Variants in ZNF850 observed in about 807,000 individuals in gnomAD.
The protein encoded by ZNF850 is zinc finger protein 850.
Under a neutral mutation model 11.9 loss-of-function variants are expected in ZNF850, and 2 were observed. The observed-to-expected ratio is 0.17, with a 90% CI of 0.07 to 0.53. The LOEUF is 0.53. Among genes scored for constraint, ZNF850 ranks in the 20% least tolerant of loss-of-function variants. The pLI, the probability that ZNF850 is intolerant of heterozygous loss-of-function variation, is 0.94. For synonymous variants in ZNF850, 381 were observed against 443.0 expected (o/e 0.86, Z 1.76); for missense variants, 1,014 against 1,316.4 (o/e 0.77, Z 3.55).
At position 36,749,003 on chromosome 19, in the gene ZNF850, C is replaced by A; in HGVS notation, c.2037G>T (p.Gly679=). 6.2e-7 allele frequency: 1 copy of A among 1,607,596 alleles called. No homozygotes were observed. The highest frequency in any genetic ancestry group is 8.5e-7 in the Non-Finnish European group (1 of 1,177,746). Residue 679 remains glycine, a synonymous_variant, in exon 5 of 5, where the codon GGG becomes GGT. Transcript: ENST00000591344. The part of the protein sequence containing the change: ...GEKPYECPDC[G]KAFRQRTYLN... ...GGTATGTACGCTGTCTAAAGGCCTT[C>A]CCACAGTCCGGACATTCATAGGGTT...
rs1333663053 is a variant in ZNF850 at position 36,749,025 on chromosome 19, G to C, written c.2015C>G (p.Pro672Arg). Residue 672 changes from proline to arginine, a missense_variant, in exon 5 of 5, where the codon CCC becomes CGC. By Grantham distance (103) the Pro-to-Arg change is moderately radical (BLOSUM62 -2). Coordinates refer to ENST00000591344, the MANE Select transcript of ZNF850 (RefSeq NM_001193552.2). ...QHHRIHTGEK[P>R]YECPDCGKAF... is the part of the protein sequence containing the mutation. ...CTTCCCACAGTCCGGACATTCATAG[G>C]GTTTCTCACCAGTGTGAATTCTGTG... The C allele has an allele frequency of 1.2e-6, 2 of 1,608,884 alleles. No individual in the cohort carries two copies. The highest frequency in any genetic ancestry group is 4.5e-5 in the East Asian group (2 of 44,724).
rs541788225 is a variant in ZNF850 at position 36,756,602 on chromosome 19, T to C, written c.235+5041A>G. Among the ~76,000 whole-genome samples the C allele has an allele frequency of 1.5e-3, 226 of 152,310 alleles. 1 individual carries two copies. Among genetic ancestry groups the C allele is most frequent in the African/African-American group, 5.2e-3 (218 of 41,576 alleles). The stretch of plus-strand genomic sequence containing the variant: ...TGCATAATATCCCATTATGTGGATA[T>C]ACCATAATGTCACATTTTTTTTCCC... On this transcript the variant is annotated intron_variant, in intron 4 of 4. Coordinates refer to ENST00000591344, the MANE Select transcript of ZNF850 (RefSeq NM_001193552.2).
intron 4 of ZNF850, among the ~76,000 whole-genome samples, chr19:36,754,451 T>A (rs896354081): frequency 1.3e-5 from 2 of 152,174 alleles, no homozygotes; most frequent in Non-Finnish European, 2.9e-5. Flanking sequence ...GATATAACAA[T>A]TCTAAATTTG....
intron 4 of ZNF850, among the ~76,000 whole-genome samples, chr19:36,755,189 A>C (rs2040478299): frequency 6.6e-6 from 1 of 152,210 alleles, no homozygotes; most frequent in Admixed American, 6.5e-5. Flanking sequence ...CATTTACAAA[A>C]GCTTATGGGT....
intron 4 of ZNF850, among the ~76,000 whole-genome samples, chr19:36,756,439 A>G (rs910277163): frequency 5.9e-5 from 9 of 152,154 alleles, no homozygotes; most frequent in Admixed American, 5.9e-4. Flanking sequence ...ATGTGTATCT[A>G]TGTGTGCATT....
In ZNF850 at chr19:36,747,557, A is replaced by AC; in HGVS notation, c.*209dup. The AC allele has an allele frequency of 2.3e-6, 1 of 435,360 alleles. No homozygotes were observed. The highest frequency in any genetic ancestry group is 3.7e-5 in the East Asian group (1 of 26,840). The allele number at this position is 435,360 out of a possible 1,614,324, so 27.0% of individuals were successfully genotyped here. The stretch of plus-strand genomic sequence containing the variant: ...AGGCTGAGGCAGGAGAATGGCATGA[A>AC]CCCAGGAGGCAGAGCTTGCAGTGAG... On this transcript the variant is annotated 3_prime_UTR_variant, in exon 5 of 5. Coordinates refer to ENST00000591344, the MANE Select transcript of ZNF850 (RefSeq NM_001193552.2).
intron 4 of ZNF850, among the ~76,000 whole-genome samples, chr19:36,751,698 CAAAAAAAAAA>C (rs398038336): frequency 6.3e-5 from 1 of 15,762 alleles, no homozygotes; most frequent in Non-Finnish European, 1.1e-4. Flanking sequence ...GACTCCATCT[CAAAAAAAAAA>C]AAAAAAAAAA....
At chr19:36,769,961 G>C (rs554994787) in intron 1 of ZNF850, among the ~76,000 whole-genome samples, 3 of 152,172 alleles carry the variant, frequency 2.0e-5, no homozygotes, top group African/African-American at 4.8e-5. Flanking sequence ...CTGACTGACG[G>C]GTTCAATTTG....
rs1461718293 is a variant in ZNF850, at chr19:36,761,728, G to C, written c.150C>G (p.Ile50Met). Residue 50 changes from isoleucine to methionine, a missense_variant, in exon 4 of 5, where the codon ATC (isoleucine) becomes ATG (methionine). Ile to Met is a conservative substitution (Grantham distance 10). Transcript: ENST00000591344. ...GTAAGGAAATCACATCAGGCTTTGG[G>C]ATAGAGAGACCTGTTTATAAGAAAA... is the stretch of plus-strand genomic sequence containing the variant. ...YSSLVSLGLS[I>M]PKPDVISLLE... 6.5e-7 allele frequency: 1 copy of C among 1,538,366 alleles called. No homozygotes were observed. Among genetic ancestry groups the C allele is most frequent in the Non-Finnish European group, 8.8e-7 (1 of 1,142,766 alleles).
intron 4 of ZNF850, among the ~76,000 whole-genome samples, chr19:36,759,033 A>C (rs2145963090): frequency 6.6e-6 from 1 of 152,280 alleles, no homozygotes; most frequent in South Asian, 2.1e-4. Context: ...CAGTCAGCCA[A>C]GATCGTGCCA....
intron 4 of ZNF850, among the ~76,000 whole-genome samples, chr19:36,760,571 A>G (rs1292683421): frequency 1.3e-5 from 2 of 151,712 alleles, no homozygotes; most frequent in African/African-American, 4.8e-5. Flanking sequence ...AATTTTGACT[A>G]AAAGTGAATG....
At position 36,747,989 on chromosome 19, in the gene ZNF850, G is replaced by T; in HGVS notation, c.3051C>A (p.Ala1017=). The T allele has an allele frequency of 1.3e-6, 2 of 1,590,576 alleles. No individual in the cohort carries two copies. Among genetic ancestry groups the T allele is most frequent in the South Asian group, 2.3e-5 (2 of 88,504 alleles). Residue 1017 remains alanine, a synonymous_variant, in exon 5 of 5, where the codon GCC becomes GCA. Coordinates refer to ENST00000591344, the MANE Select transcript of ZNF850 (RefSeq NM_001193552.2). ...GACTAAGTTGTGAAGGACATCTAAA[G>T]GCCTTCCCACATTCCTTACAATCAT... ...KPYDCKECGK[A]FRCPSQLSQH...
chr19:36,759,497 A>G (rs2040506060), intron 4 of ZNF850, among the ~76,000 whole-genome samples: 2 of 152,064 alleles, frequency 1.3e-5, no homozygotes, highest in South Asian at 4.1e-4. Flanking sequence ...AAGAAGCAAC[A>G]CTGAAAAGCT....
intron 1 of ZNF850, among the ~76,000 whole-genome samples, chr19:36,763,815 G>A (rs1396956616): frequency 2.0e-5 from 3 of 152,006 alleles, no homozygotes; most frequent in Non-Finnish European, 4.4e-5. Context: ...GGACATGCCT[G>A]TAGTCCCAGC....
chr19:36,744,457 T>C lies in ZNF850; in HGVS notation c.*3310A>G, dbSNP rs1482531034. On this transcript the variant is annotated 3_prime_UTR_variant, in exon 5 of 5. Transcript: ENST00000591344. ...GCCTGGACAACATGGTGAAACCCTG[T>C]CTCTACAAAAGATACAAAAATTAGC... 6.6e-6 allele frequency: 1 copy of C among 151,994 alleles called. No homozygotes were observed. Among genetic ancestry groups the C allele is most frequent in the Admixed American group, 6.6e-5 (1 of 15,244 alleles). 9.4% of individuals were successfully genotyped at this position (151,994 alleles called of 1,614,324 possible).
intron 2 of ZNF850, 58 bp downstream of exon 2, chr19:36,762,537 A>G (rs1182452534): frequency 7.2e-6 from 11 of 1,536,372 alleles, no homozygotes; most frequent in Non-Finnish European, 9.6e-6. Context: ...CAGTGAGCAG[A>G]CCAGCTAGGA....
At position 36,749,466 on chromosome 19, in the gene ZNF850, C is replaced by T. The variant is rs202212574; in HGVS notation, c.1574G>A (p.Arg525Gln). The T allele has an allele frequency of 2.5e-5, 39 of 1,549,764 alleles. No individual in the cohort carries two copies. Among genetic ancestry groups the T allele is most frequent in the Middle Eastern group, 3.3e-4 (2 of 6,010 alleles). Residue 525 changes from arginine to glutamine, a missense_variant, in exon 5 of 5, where the codon CGA (arginine) becomes CAA (glutamine). By Grantham distance (43) the Arg-to-Gln change is conservative. Coordinates refer to ENST00000591344, the MANE Select transcript of ZNF850 (RefSeq NM_001193552.2). ...ASGSALLQHQ[R>Q]IHTGEKPYHC... ...ATAGGGTTTCTCACCAGTGTGAATT[C>T]GCTGATGTTGAAGTAGTGCTGAGCC...
intron 1 of ZNF850, among the ~76,000 whole-genome samples, chr19:36,764,728 T>C (rs1006315002): frequency 6.7e-5 from 5 of 75,034 alleles, no homozygotes; most frequent in African/African-American, 2.1e-4. Flanking sequence ...CCTTTCCCTT[T>C]TTTTTTTTTT....
intron 1 of ZNF850, among the ~76,000 whole-genome samples, chr19:36,768,357 A>C (rs1013404265): frequency 6.6e-6 from 1 of 152,198 alleles, no homozygotes; most frequent in Non-Finnish European, 1.5e-5. Context: ...AAAAATATCA[A>C]TACTTCTCTT....
Sources: gnomAD v4.1 joint callset for allele counts (sites outside exome capture counted in the v4.1 genomes callset) on GRCh38, gnomAD v4.1.1 for gene constraint, MANE v1.5 for transcripts, NCBI Gene and HGNC (gene_info 2026-07-23, HGNC 2026-07-21) for gene names.